MAP3K5: variants seen among roughly 807,000 people sequenced by gnomAD.
MAP3K5 encodes the protein mitogen-activated protein kinase kinase kinase 5.
MAP3K5 carries 56 observed loss-of-function variants against 158.7 expected under a neutral mutation model. The observed-to-expected ratio is 0.35, with a 90% confidence interval of 0.28 to 0.44. The LOEUF is 0.44. Among genes scored for constraint, MAP3K5 ranks in the 20% least tolerant of loss-of-function variants. The probability of loss-of-function intolerance (pLI) is 1.00; values close to 1 mark genes in which losing one functional copy is unlikely to be tolerated. For missense variants in MAP3K5, 1,294 were observed against 1,674.8 expected, an observed-to-expected ratio of 0.77 and a Z score of 3.97; for synonymous variants, 579 against 601.7, an observed-to-expected ratio of 0.96 and a Z score of 0.55.
chr6:136,773,807 C>A (rs1255026616), intron 1 of MAP3K5, among the ~76,000 whole-genome samples: 1 of 152,040 alleles, frequency 6.6e-6, no homozygotes, highest in Non-Finnish European at 1.5e-5. Flanking sequence ...GCCACCACAC[C>A]CAGCTAATTT....
chr6:136,739,737 G>A (rs575047772), intron 1 of MAP3K5, among the ~76,000 whole-genome samples: 2 of 152,178 alleles, frequency 1.3e-5, no homozygotes, highest in African/African-American at 4.8e-5. Flanking sequence ...GGCAAGCCCC[G>A]TAGAAGGTGC....
chr6:136,667,205 T>C (rs1024202963), intron 8 of MAP3K5, among the ~76,000 whole-genome samples: 6 of 152,188 alleles, frequency 3.9e-5, no homozygotes, highest in Non-Finnish European at 7.4e-5. Flanking sequence ...TGTATCAAAA[T>C]AGAACATATA....
Position 136,752,705 on chromosome 6 carries a change from C to T in MAP3K5, c.449-32116G>A, listed in dbSNP as rs118007708. ...GGGATTATGGGTGTGAGCCACTGGG[C>T]CCAGCCTTTAGCTGGGTTCTGAGTG... On this transcript the variant is annotated intron_variant, in intron 1 of 29. Coordinates refer to ENST00000359015, the MANE Select transcript of MAP3K5 (RefSeq NM_005923.4). 4.4e-3 allele frequency among the ~76,000 whole-genome samples: 671 copies of T among 152,314 alleles called. 2 individuals are homozygous for T. Among genetic ancestry groups the T allele is most frequent in the Non-Finnish European group, 7.4e-3 (501 of 68,030 alleles).
In MAP3K5 at chr6:136,613,500, GA is replaced by G. The variant is rs1178563880; in HGVS notation, c.2279-245del. Reference sequence around the variant, plus strand: ...AACTTTAATTCAAGTCATGATGATAGATACTGAAATGGTTCCCATATTTATG... The same window carrying G: ...AACTTTAATTCAAGTCATGATGATAGTACTGAAATGGTTCCCATATTTATG... On this transcript the variant is annotated intron_variant, in intron 16 of 29. Coordinates refer to ENST00000359015, the MANE Select transcript of MAP3K5 (RefSeq NM_005923.4). The surrounding 1 kb of genome is among the most constrained non-coding windows in gnomAD (Gnocchi z 4.0). Among the ~76,000 whole-genome samples the G allele has an allele frequency of 6.6e-6, 1 of 152,146 alleles. No individual in the cohort carries two copies. The highest frequency in any genetic ancestry group is 2.4e-5 in the African/African-American group (1 of 41,448).
chr6:136,589,675 A>T (rs1775297220), intron 23 of MAP3K5, among the ~76,000 whole-genome samples: 1 of 152,060 alleles, frequency 6.6e-6, no homozygotes, highest in South Asian at 2.1e-4. Context: ...AATTGAACTG[A>T]TGTTTCTGGT....
chr6:136,628,379 T>C (rs1327935199), intron 14 of MAP3K5, among the ~76,000 whole-genome samples: 3 of 151,668 alleles, frequency 2.0e-5, no homozygotes, highest in Non-Finnish European at 4.4e-5. Flanking sequence ...TCCCAACCAC[T>C]GGGAGTACAG....
At chr6:136,762,340 T>C (rs1227300661) in intron 1 of MAP3K5, among the ~76,000 whole-genome samples, 4 of 152,206 alleles carry the variant, frequency 2.6e-5, no homozygotes, top group Admixed American at 1.3e-4. Flanking sequence ...GTTCACCAAG[T>C]AGAGGAATCC....
chr6:136,637,768 G>A (rs925821703), intron 13 of MAP3K5, among the ~76,000 whole-genome samples: 1 of 152,022 alleles, frequency 6.6e-6, no homozygotes, highest in African/African-American at 2.4e-5. Context: ...AGAGGAGGCT[G>A]ATGGTTCACA....
chr6:136,640,343 C>T (rs1329266618), intron 12 of MAP3K5, among the ~76,000 whole-genome samples: 1 of 152,166 alleles, frequency 6.6e-6, no homozygotes, highest in Non-Finnish European at 1.5e-5. Flanking sequence ...GGCTGTGTTC[C>T]AATAAAACTT....
At chr6:136,760,571 T>C (rs1562682305) in intron 1 of MAP3K5, among the ~76,000 whole-genome samples, 1 of 152,222 alleles carries the variant, frequency 6.6e-6, no homozygotes, top group East Asian at 1.9e-4. Context: ...AAAATCCATA[T>C]GTTGAAATCC....
At chr6:136,750,844 A>C (rs1783174882) in intron 1 of MAP3K5, among the ~76,000 whole-genome samples, 1 of 152,240 alleles carries the variant, frequency 6.6e-6, no homozygotes, top group African/African-American at 2.4e-5. Context: ...GATCAACTAC[A>C]AAATGCAAAA....
chr6:136,785,079 C>T (rs1784785888), intron 1 of MAP3K5, among the ~76,000 whole-genome samples: 1 of 152,166 alleles, frequency 6.6e-6, no homozygotes, highest in Admixed American at 6.5e-5. Flanking sequence ...ACAATATACT[C>T]GGAAAGTATA....
chr6:136,596,182 G>T (rs542008446), intron 21 of MAP3K5, among the ~76,000 whole-genome samples: 34 of 152,202 alleles, frequency 2.2e-4, no homozygotes, highest in African/African-American at 7.9e-4. Context: ...GAAAAGAAGG[G>T]GATGAACAGG....
At chr6:136,565,116 T>A (rs1265046253) in intron 26 of MAP3K5, among the ~76,000 whole-genome samples, 2 of 152,216 alleles carry the variant, frequency 1.3e-5, no homozygotes, top group African/African-American at 2.4e-5. Flanking sequence ...TTTTAACACC[T>A]TAAACACCAG....
chr6:136,783,600 T>C (rs1784711926), intron 1 of MAP3K5, among the ~76,000 whole-genome samples: 1 of 152,136 alleles, frequency 6.6e-6, no homozygotes, highest in African/African-American at 2.4e-5. Context: ...CCCACTCTCA[T>C]CTTGCCCCAG....
At chr6:136,607,336 T>C in intron 18 of MAP3K5, among the ~76,000 whole-genome samples, 1 of 152,306 alleles carries the variant, frequency 6.6e-6, no homozygotes, top group East Asian at 1.9e-4. Context: ...TCAAGTAATG[T>C]CAACAACAAA....
At position 136,636,066 on chromosome 6, in the gene MAP3K5, A is replaced by C. The variant is rs563886288; in HGVS notation, c.2016+1259T>G. Among the ~76,000 whole-genome samples the C allele has an allele frequency of 3.3e-5, 5 of 152,288 alleles. No individual in the cohort carries two copies. In the South Asian group the frequency reaches 1.0e-3, roughly 32 times the overall value. ...ATTTTCACTTTAACATTAAAAATAT[A>C]ATTTTCAGTATGGCTTGGTGCTATG... On this transcript the variant is annotated intron_variant, in intron 14 of 29. Transcript: ENST00000359015.
chr6:136,617,641 T>C (rs1263359187), intron 15 of MAP3K5, among the ~76,000 whole-genome samples: 1 of 151,896 alleles, frequency 6.6e-6, no homozygotes, highest in Non-Finnish European at 1.5e-5. Flanking sequence ...GACATAGAAA[T>C]AACCAGTCCA....
At position 136,635,725 on chromosome 6, in the gene MAP3K5, CA is replaced by C. The variant is rs140167177; in HGVS notation, c.2016+1599del. Among the ~76,000 whole-genome samples, 421 of 67,794 alleles carry C rather than the reference CA, an allele frequency of 6.2e-3. 4 individuals carry two copies. Among genetic ancestry groups the C allele is most frequent in the Middle Eastern group, 0.024 (3 of 124 alleles). The allele number at this position is 67,794 out of a possible 152,430, so 44.5% of individuals were successfully genotyped here. A position where few individuals can be genotyped will look rare whatever the true frequency, so the allele number is the denominator to read the frequency against. On this transcript the variant is annotated intron_variant, in intron 14 of 29. Coordinates refer to ENST00000359015, the MANE Select transcript of MAP3K5 (RefSeq NM_005923.4). ...CAACAAAGTGAGATCCCGTCTCCAC[CA>C]AAAAAAAAAAAAAAAAAAAAAAAAA...
Sources: gnomAD v4.1 joint callset for allele counts (sites outside exome capture counted in the v4.1 genomes callset) on GRCh38, gnomAD v4.1.1 for gene constraint, Gnocchi (gnomAD v3.1) non-coding constraint, MANE v1.5 for transcripts, NCBI Gene and HGNC (gene_info 2026-07-23, HGNC 2026-07-21) for gene names.